TRDN: variants seen among roughly 807,000 people sequenced by gnomAD.
TRDN encodes triadin in skeletal muscle.
In TRDN, 161 loss-of-function variants were observed where a neutral mutation model predicts 149.7. The observed-to-expected ratio is 1.08, with a 90% CI of 0.95 to 1.23. The LOEUF is 1.23. TRDN is among the 50% of genes most tolerant of loss of function. The pLI is 0.00. For missense variants in TRDN, 896 were observed against 823.5 expected (o/e 1.09, Z -1.08); for synonymous variants, 294 against 250.5 (o/e 1.17, Z -1.64).
At chr6:123,451,314 T>G (rs2114654425) in intron 10 of TRDN, among the ~76,000 whole-genome samples, 1 of 152,106 alleles carries the variant, frequency 6.6e-6, no homozygotes, top group South Asian at 2.1e-4. Context: ...AATAAAAAGC[T>G]GGTTCTTTGA....
At chr6:123,363,993 C>A (rs1441334906) in intron 20 of TRDN, among the ~76,000 whole-genome samples, 6 of 152,116 alleles carry the variant, frequency 3.9e-5, no homozygotes. Flanking sequence ...AAACTGTGTC[C>A]AAAAGAGGCA....
intron 1 of TRDN, among the ~76,000 whole-genome samples, chr6:123,606,613 C>G (rs1784539728): frequency 6.6e-6 from 1 of 151,948 alleles, no homozygotes; most frequent in African/African-American, 2.4e-5. Context: ...ATGGTAGAAA[C>G]AGAGGTTCAC....
At chr6:123,456,762 T>C in intron 10 of TRDN, 2 of 455,526 alleles carry the variant, frequency 4.4e-6, no homozygotes, top group South Asian at 3.1e-5. Flanking sequence ...CCTTATCCTT[T>C]ATTAAATGAG....
chr6:123,383,354 A>G (rs904757824), intron 14 of TRDN, among the ~76,000 whole-genome samples: 1 of 152,122 alleles, frequency 6.6e-6, no homozygotes, highest in Non-Finnish European at 1.5e-5. Context: ...TTAGGAAACA[A>G]ACTAAGAAAA....
chr6:123,443,421 T>C (rs1410580454), intron 10 of TRDN, among the ~76,000 whole-genome samples: 2 of 152,132 alleles, frequency 1.3e-5, no homozygotes, highest in East Asian at 3.9e-4. Flanking sequence ...CTTTGGGCTA[T>C]TAGGGAGAAG....
intron 37 of TRDN, chr6:123,254,794 T>A (rs1776496700): frequency 3.9e-6 from 1 of 255,172 alleles, no homozygotes; most frequent in South Asian, 5.3e-5. Flanking sequence ...CTTTTGACAT[T>A]ATTCATGCTA....
rs1263832951 is a variant in TRDN, at chr6:123,503,791, G to GTACTTCTTT, written c.712_720dup (p.Lys238_Val240dup). 1 of 1,613,006 alleles carries GTACTTCTTT rather than the reference G, an allele frequency of 6.2e-7. No individual in the cohort carries two copies. Among genetic ancestry groups the GTACTTCTTT allele is most frequent in the East Asian group, 2.2e-5 (1 of 44,778 alleles). ...TCTTTGGGTTTTGATGGTGTTTTCT[G>GTACTTCTTT]TACTTCTTTTACTTTTGCAGCTGTT... On this transcript the variant is annotated inframe_insertion, in exon 8 of 41. Coordinates refer to ENST00000334268, the MANE Select transcript of TRDN (RefSeq NM_006073.4).
intron 12 of TRDN, among the ~76,000 whole-genome samples, chr6:123,428,945 A>G (rs1010368162): frequency 6.6e-6 from 1 of 152,162 alleles, no homozygotes; most frequent in African/African-American, 2.4e-5. Flanking sequence ...ATATTTTTTG[A>G]GTGAATGAAT....
At chr6:123,547,724 A>G (rs1352929038) in intron 3 of TRDN, among the ~76,000 whole-genome samples, 2 of 152,072 alleles carry the variant, frequency 1.3e-5, no homozygotes, top group African/African-American at 4.8e-5. Context: ...CTCTAATAAT[A>G]AAAGCTTTCC....
chr6:123,444,767 A>G (rs149943279), intron 10 of TRDN, among the ~76,000 whole-genome samples: 22,822 of 152,044 alleles, frequency 0.15, 2,430 homozygotes, highest in African/African-American at 0.3. Context: ...TTCTGCATCT[A>G]TTGAGATAAT....
chr6:123,351,852 T>G (rs890581178), intron 21 of TRDN: 15 of 983,780 alleles, frequency 1.5e-5, no homozygotes, highest in South Asian at 4.7e-5. Flanking sequence ...CAATTAAAAT[T>G]ATTAGCACAC....
intron 22 of TRDN, among the ~76,000 whole-genome samples, chr6:123,332,729 C>T (rs1247215275): frequency 2.0e-5 from 3 of 152,030 alleles, no homozygotes; most frequent in Non-Finnish European, 4.4e-5. Flanking sequence ...AGAAAGAGAT[C>T]TATCCTTTCA....
intron 1 of TRDN, among the ~76,000 whole-genome samples, chr6:123,627,810 C>T (rs1785757723): frequency 6.6e-6 from 1 of 152,182 alleles, no homozygotes; most frequent in Non-Finnish European, 1.5e-5. Flanking sequence ...TACATCAATC[C>T]TTGCTGCTTC....
At chr6:123,527,627 G>A (rs1010077273) in intron 5 of TRDN, among the ~76,000 whole-genome samples, 1 of 151,578 alleles carries the variant, frequency 6.6e-6, no homozygotes, top group Non-Finnish European at 1.5e-5. Flanking sequence ...GTTCCCCAGG[G>A]GCCATTTATA....
intron 12 of TRDN, among the ~76,000 whole-genome samples, chr6:123,422,257 A>G (rs1773937288): frequency 1.3e-5 from 2 of 152,276 alleles, no homozygotes; most frequent in East Asian, 1.9e-4. Flanking sequence ...CTGCCCACAC[A>G]TCTAACATGT....
chr6:123,586,758 A>T (rs558230081), intron 1 of TRDN, among the ~76,000 whole-genome samples: 100 of 152,164 alleles, frequency 6.6e-4, no homozygotes, highest in African/African-American at 2.3e-3. Context: ...AAGGTTGCCC[A>T]TAGTGAAGGA....
chr6:123,462,927 G>A (rs1271296785), intron 10 of TRDN: 1 of 152,146 alleles, frequency 6.6e-6, no homozygotes, highest in Non-Finnish European at 1.5e-5. Context: ...GAGCTGCTCA[G>A]GGTTAGCAGC....
At chr6:123,318,407 T>C (rs537094417) in intron 23 of TRDN, among the ~76,000 whole-genome samples, 1 of 152,006 alleles carries the variant, frequency 6.6e-6, no homozygotes, top group African/African-American at 2.4e-5. Flanking sequence ...GACTGAAACT[T>C]ACGGAAGTTA....
At chr6:123,249,732 G>A (rs1312143936) in intron 38 of TRDN, among the ~76,000 whole-genome samples, 3 of 152,082 alleles carry the variant, frequency 2.0e-5, no homozygotes, top group African/African-American at 7.2e-5. Flanking sequence ...TAAATGATGT[G>A]TACACATGGA....
Sources: allele counts gnomAD v4.1 joint callset (sites outside exome capture counted in the v4.1 genomes callset), GRCh38; gene constraint gnomAD v4.1.1; transcripts MANE v1.5; gene names NCBI Gene and HGNC (gene_info 2026-07-23, HGNC 2026-07-21).